Variants in CFAP299 observed in about 807,000 individuals in gnomAD.
The protein encoded by CFAP299 is cilia and flagella associated protein 299.
CFAP299 carries 21 observed loss-of-function variants against 27.0 expected under a neutral mutation model. That is an observed-to-expected ratio of 0.78 (90% confidence interval 0.55 to 1.12). The LOEUF (loss-of-function observed/expected upper bound fraction) is 1.12. CFAP299 is among the 50% of genes most tolerant of loss of function. The pLI, the probability that CFAP299 is intolerant of heterozygous loss-of-function variation, is 0.00. For synonymous variants in CFAP299, 104 were observed against 98.1 expected, an observed-to-expected ratio of 1.06 and a Z score of -0.36; for missense variants, 310 against 276.6, an observed-to-expected ratio of 1.12 and a Z score of -0.86.
At chr4:80,336,338 T>C (rs1722139728) in intron 1 of CFAP299, among the ~76,000 whole-genome samples, 1 of 152,222 alleles carries the variant, frequency 6.6e-6, no homozygotes, top group African/African-American at 2.4e-5. Flanking sequence ...TTTGGTGTTA[T>C]ATTGGGCGTT....
chr4:80,445,946 C>T (rs1578452143), intron 2 of CFAP299, among the ~76,000 whole-genome samples: 1 of 152,182 alleles, frequency 6.6e-6, no homozygotes, highest in Non-Finnish European at 1.5e-5. Flanking sequence ...GAATTGGCCT[C>T]TTTAAAAACT....
At chr4:80,350,001 T>C (rs1188448796) in intron 1 of CFAP299, among the ~76,000 whole-genome samples, 1 of 152,090 alleles carries the variant, frequency 6.6e-6, no homozygotes, top group Non-Finnish European at 1.5e-5. Context: ...TTTTAACAAA[T>C]AAGTGAGTTT....
At chr4:80,851,808 C>T (rs141455040) in intron 3 of CFAP299, among the ~76,000 whole-genome samples, 6 of 152,234 alleles carry the variant, frequency 3.9e-5, no homozygotes, top group African/African-American at 1.2e-4. Flanking sequence ...AATGACATCA[C>T]GGATCTTGGC....
intron 3 of CFAP299, among the ~76,000 whole-genome samples, chr4:80,676,194 A>T (rs78817083): frequency 1.3e-5 from 2 of 152,108 alleles, no homozygotes; most frequent in Non-Finnish European, 2.9e-5. Context: ...TGGGATTTTT[A>T]TAGCATCTAA....
At chr4:80,707,826 G>C (rs1380148707) in intron 3 of CFAP299, among the ~76,000 whole-genome samples, 1 of 152,032 alleles carries the variant, frequency 6.6e-6, no homozygotes. Flanking sequence ...ACACAAAATT[G>C]GGGTAAATGA....
chr4:80,941,415 G>A (rs568429884), intron 4 of CFAP299, among the ~76,000 whole-genome samples: 4 of 152,150 alleles, frequency 2.6e-5, no homozygotes, highest in South Asian at 2.1e-4. Flanking sequence ...TGTAGAAACC[G>A]TAATTACAGG....
rs1230465006 is a variant in CFAP299 at position 80,799,796 on chromosome 4, T to TAA, written c.334-70197_334-70196insAA. On this transcript the variant is annotated intron_variant, in intron 3 of 5. Transcript: ENST00000358105. ...TATGATATATATATTATATATTATA[T>TAA]TATATAATATATAAATATATATATT... Among the ~76,000 whole-genome samples, 28 of 32,884 alleles carry TAA rather than the reference T, an allele frequency of 8.5e-4. 2 individuals carry two copies. Among genetic ancestry groups the TAA allele is most frequent in the African/African-American group, 4.8e-3 (28 of 5,892 alleles). 21.6% of individuals were successfully genotyped at this position (32,884 alleles called of 152,430 possible). A position where few individuals can be genotyped will look rare whatever the true frequency, so the allele number is the denominator to read the frequency against.
chr4:80,406,153 A>T (rs1211599692), intron 2 of CFAP299, among the ~76,000 whole-genome samples: 8 of 152,228 alleles, frequency 5.3e-5, no homozygotes, highest in Admixed American at 3.9e-4. Context: ...GGGTATGGTC[A>T]GTAGGAAGAT....
intron 3 of CFAP299, among the ~76,000 whole-genome samples, chr4:80,691,772 C>T (rs934823924): frequency 3.3e-5 from 5 of 152,194 alleles, no homozygotes; most frequent in African/African-American, 1.2e-4. Context: ...TTGCAGTTGA[C>T]ATGATTGTAT....
chr4:80,685,469 A>G (rs1720123188), intron 3 of CFAP299, among the ~76,000 whole-genome samples: 1 of 152,120 alleles, frequency 6.6e-6, no homozygotes, highest in African/African-American at 2.4e-5. Flanking sequence ...ATAAGGGAAG[A>G]CATAATGCTG....
At chr4:80,593,060 C>G (rs183455334) in intron 3 of CFAP299, among the ~76,000 whole-genome samples, 210 of 152,256 alleles carry the variant, frequency 1.4e-3, no homozygotes, top group Admixed American at 2.5e-3. Context: ...ATTCCTTTTT[C>G]CCACTATTTT....
At chr4:80,791,255 T>A (rs563212054) in intron 3 of CFAP299, among the ~76,000 whole-genome samples, 1 of 151,744 alleles carries the variant, frequency 6.6e-6, no homozygotes, top group African/African-American at 2.4e-5. Context: ...TCAGGAAAAA[T>A]ATATAAATCT....
chr4:80,734,763 AG>A (rs1163052884), intron 3 of CFAP299, among the ~76,000 whole-genome samples: 1 of 152,080 alleles, frequency 6.6e-6, no homozygotes, highest in Non-Finnish European at 1.5e-5. Context: ...ATTGGTGAAA[AG>A]GAGTTCACTG....
At chr4:80,439,169 A>G (rs1728229960) in intron 2 of CFAP299, among the ~76,000 whole-genome samples, 1 of 152,202 alleles carries the variant, frequency 6.6e-6, no homozygotes, top group South Asian at 2.1e-4. Flanking sequence ...TTTGATTACT[A>G]AATTGAGAAC....
At chr4:80,562,642 A>G (rs1198324279) in intron 2 of CFAP299, among the ~76,000 whole-genome samples, 3 of 148,412 alleles carry the variant, frequency 2.0e-5, no homozygotes, top group African/African-American at 7.5e-5. Flanking sequence ...TAGGCAATAC[A>G]GCGAGACTCA....
chr4:80,916,292 TA>T (rs1560475565), intron 4 of CFAP299, among the ~76,000 whole-genome samples: 52 of 129,172 alleles, frequency 4.0e-4, no homozygotes, highest in Non-Finnish European at 3.3e-4. Flanking sequence ...TATATATATA[TA>T]TATTTCAGGT....
At chr4:80,925,229 C>T (rs924254488) in intron 4 of CFAP299, among the ~76,000 whole-genome samples, 1 of 151,966 alleles carries the variant, frequency 6.6e-6, no homozygotes, top group Non-Finnish European at 1.5e-5. Context: ...TCTTAATCTT[C>T]TTCTTCTGTC....
intron 2 of CFAP299, among the ~76,000 whole-genome samples, chr4:80,521,049 G>A (rs191506880): frequency 2.0e-4 from 31 of 152,214 alleles, no homozygotes; most frequent in Middle Eastern, 3.4e-3. Context: ...GGAAACTTTT[G>A]CGATTAAAAC....
At chr4:80,332,841 G>A (rs1354787614), upstream of CFAP299, among the ~76,000 whole-genome samples, 1 of 152,090 alleles carries the variant, frequency 6.6e-6, no homozygotes, top group African/African-American at 2.4e-5. Context: ...CAGGGGGAGT[G>A]GAGTTTTAGG....
Sources: allele counts gnomAD v4.1 joint callset (sites outside exome capture counted in the v4.1 genomes callset), GRCh38; gene constraint gnomAD v4.1.1; transcripts MANE v1.5; gene names NCBI Gene and HGNC (gene_info 2026-07-23, HGNC 2026-07-21).